ATP1B1: variants seen among roughly 807,000 people sequenced by gnomAD.
ATP1B1 encodes sodium/potassium-transporting ATPase subunit beta-1.
Under a neutral mutation model 39.6 loss-of-function variants are expected in ATP1B1, and 3 were observed. The observed-to-expected ratio is 0.08, with a 90% CI of 0.03 to 0.20. ATP1B1 has a LOEUF of 0.20. Among genes scored for constraint, ATP1B1 ranks in the 10% least tolerant of loss-of-function variants. The pLI, the probability that ATP1B1 is intolerant of heterozygous loss-of-function variation, is 1.00. For missense variants in ATP1B1, 216 were observed against 371.1 expected (o/e 0.58, Z 3.43); for synonymous variants, 139 against 135.0 (o/e 1.03, Z -0.20).
intron 2 of ATP1B1, among the ~76,000 whole-genome samples, chr1:169,115,009 T>G (rs1164710999): frequency 6.6e-6 from 1 of 151,588 alleles, no homozygotes; most frequent in Non-Finnish European, 1.5e-5. Flanking sequence ...ACAGTGAAAC[T>G]CCGTCTCTAC....
At chr1:169,115,046 G>C (rs562538379) in intron 2 of ATP1B1, among the ~76,000 whole-genome samples, 1 of 151,750 alleles carries the variant, frequency 6.6e-6, no homozygotes, top group Non-Finnish European at 1.5e-5. Flanking sequence ...TTAGCCTGTC[G>C]TAGTGGCGGG....
chr1:169,124,514 T>C (rs1557951418), intron 2 of ATP1B1, among the ~76,000 whole-genome samples: 1 of 152,308 alleles, frequency 6.6e-6, no homozygotes. Context: ...CACGTTGGGG[T>C]ACTAGAAACA....
chr1:169,116,504 C>T (rs1317164809), intron 2 of ATP1B1, among the ~76,000 whole-genome samples: 1 of 152,084 alleles, frequency 6.6e-6, no homozygotes, highest in African/African-American at 2.4e-5. Flanking sequence ...CACACTGGCA[C>T]CACCAGCAGT....
chr1:169,114,882 A>G (rs1233743810), intron 2 of ATP1B1, among the ~76,000 whole-genome samples: 4 of 151,904 alleles, frequency 2.6e-5, no homozygotes, highest in African/African-American at 4.8e-5. Context: ...AAATTTTTTT[A>G]AGTCTCCTGT....
chr1:169,131,445 A>G lies in ATP1B1; in HGVS notation c.802A>G (p.Met268Val), dbSNP rs1324628854. The G allele has an allele frequency of 2.5e-6, 4 of 1,614,178 alleles. No homozygotes were observed. Among genetic ancestry groups the G allele is most frequent in the East Asian group, 2.2e-5 (1 of 44,884 alleles). ...LLAVQFTNLT[M>V]DTEIRIECKA... ...GGCCGTACAGTTCACCAATCTTACC[A>G]TGGACACTGAAATTCGCATAGAGTG... The change falls in exon 6 of 6, where the codon ATG (methionine) becomes GTG (valine). Residue 268 changes from methionine to valine, a missense_variant. Physicochemically the swap from Met to Val is conservative, Grantham distance 21. Coordinates refer to ENST00000367815, the MANE Select transcript of ATP1B1 (RefSeq NM_001677.4). The surrounding 1 kb of genome is among the most constrained non-coding windows in gnomAD (Gnocchi z 4.4).
chr1:169,120,946 TTTTC>T (rs1489243171), intron 2 of ATP1B1, among the ~76,000 whole-genome samples: 4 of 122,636 alleles, frequency 3.3e-5, no homozygotes, highest in Non-Finnish European at 5.3e-5. Context: ...TTTTCTTTTC[TTTTC>T]TTTTTTTTTT....
In ATP1B1 at chr1:169,106,692, T is replaced by G. The variant is rs1657597158; in HGVS notation, c.-138T>G. 2.1e-6 allele frequency: 1 copy of G among 486,886 alleles called. No homozygotes were observed. The highest frequency in any genetic ancestry group is 2.2e-5 in the African/African-American group (1 of 44,590). 30.2% of individuals were successfully genotyped at this position (486,886 alleles called of 1,614,324 possible). On this transcript the variant is annotated 5_prime_UTR_variant, in exon 1 of 6. Transcript: ENST00000367815. ...GGCTCCTCCGCCGCGCGTCTCGCAC[T>G]CCGAGAGCCGCAGCGGCAGCGGCGC...
chr1:169,127,919 T>C lies in ATP1B1; in HGVS notation c.567+511T>C, dbSNP rs1218040502. On this transcript the variant is annotated intron_variant, in intron 4 of 5. Coordinates refer to ENST00000367815, the MANE Select transcript of ATP1B1 (RefSeq NM_001677.4). Reference sequence around the variant, plus strand: ...TCTGAAAAAATATTTTTTCTGAATTTTATTGCGGAAGTAGAAGTTTAACAT... The same window carrying C: ...TCTGAAAAAATATTTTTTCTGAATTCTATTGCGGAAGTAGAAGTTTAACAT... Among the ~76,000 whole-genome samples, 4 of 152,212 alleles carry C rather than the reference T, an allele frequency of 2.6e-5. No homozygotes were observed. In the East Asian group the frequency reaches 7.7e-4, roughly 29 times the overall value.
intron 1 of ATP1B1, 48 bp downstream of exon 1, chr1:169,106,974 G>C (rs1200128): frequency 0.29 from 444,497 of 1,517,476 alleles, 71,207 homozygotes; most frequent in Non-Finnish European, 0.33. Context: ...GATCTTTCCC[G>C]GGCGGCGCAT....
intron 2 of ATP1B1, 141 bp downstream of exon 2, chr1:169,111,639 G>C: frequency 3.2e-6 from 4 of 1,237,828 alleles, no homozygotes; most frequent in Non-Finnish European, 4.4e-6. Context: ...AACTTCTCTC[G>C]GCTGCAGCCA....
At chr1:169,120,721 G>C (rs755897234) in intron 2 of ATP1B1, among the ~76,000 whole-genome samples, 1 of 152,192 alleles carries the variant, frequency 6.6e-6, no homozygotes, top group Non-Finnish European at 1.5e-5. Flanking sequence ...GACTGGCTTA[G>C]ATCATGAGCT....
chr1:169,111,273 G>C (rs1372318188), intron 1 of ATP1B1, 97 bp from the exon 2 acceptor site: 1 of 1,509,810 alleles, frequency 6.6e-7, no homozygotes, highest in East Asian at 2.3e-5. Context: ...TGGGACCGGG[G>C]GAACCAGGAA....
At chr1:169,130,157 A>C (rs539659215) in intron 5 of ATP1B1, 67 bp downstream of exon 5, 2 of 1,341,306 alleles carry the variant, frequency 1.5e-6, no homozygotes, top group South Asian at 1.2e-5. Context: ...AGAATGAAGA[A>C]GACTGTTTAA....
intron 3 of ATP1B1, among the ~76,000 whole-genome samples, chr1:169,126,784 C>T (rs1658096538): frequency 6.6e-6 from 1 of 152,048 alleles, no homozygotes; most frequent in African/African-American, 2.4e-5. Flanking sequence ...AAAAAAAAAC[C>T]TAGTTCTGAA....
rs1658256169 is a variant in ATP1B1, at chr1:169,132,402, A to G, written c.*847A>G. On this transcript the variant is annotated 3_prime_UTR_variant, in exon 6 of 6. Transcript: ENST00000367815. ...CTTTTTTCCTTTCTGGAGGCATCAC[A>G]TGCTGGTGCTGTGTCTTTATGAATG... The G allele has an allele frequency of 4.4e-6, 2 of 449,678 alleles. No homozygotes were observed. The highest frequency in any genetic ancestry group is 8.0e-6 in the Non-Finnish European group (2 of 250,282). 27.9% of individuals were successfully genotyped at this position (449,678 alleles called of 1,614,324 possible). A position where few individuals can be genotyped will look rare whatever the true frequency, so the allele number is the denominator to read the frequency against.
At chr1:169,128,213 C>A (rs1439069697) in intron 4 of ATP1B1, among the ~76,000 whole-genome samples, 1 of 152,148 alleles carries the variant, frequency 6.6e-6, no homozygotes. Context: ...CCCTAATCAC[C>A]CGTATATGAG....
rs529760499 is a variant in ATP1B1 at position 169,110,087 on chromosome 1, A to G, written c.98-1283A>G. On this transcript the variant is annotated intron_variant, in intron 1 of 5. Coordinates refer to ENST00000367815, the MANE Select transcript of ATP1B1 (RefSeq NM_001677.4). Reference sequence around the variant, plus strand: ...CTTTTGATAGAGGAGAAAAAGGATTATGATTAAGCATTTTGCTGTGGTTTT... The same window carrying G: ...CTTTTGATAGAGGAGAAAAAGGATTGTGATTAAGCATTTTGCTGTGGTTTT... Among the ~76,000 whole-genome samples the G allele has an allele frequency of 4.6e-4, 70 of 152,122 alleles. 1 individual carries two copies. The highest frequency in any genetic ancestry group is 7.6e-4 in the Non-Finnish European group (52 of 67,992).
intron 2 of ATP1B1, among the ~76,000 whole-genome samples, chr1:169,118,186 A>G (rs1657892532): frequency 6.6e-6 from 1 of 152,242 alleles, no homozygotes; most frequent in South Asian, 2.1e-4. Flanking sequence ...CTGAAAGTGA[A>G]TATACAGCCA....
intron 2 of ATP1B1, among the ~76,000 whole-genome samples, chr1:169,115,495 C>T (rs1016373360): frequency 4.6e-5 from 7 of 151,578 alleles, no homozygotes; most frequent in Non-Finnish European, 8.8e-5. Context: ...GCTACAGGTG[C>T]GCGCCACCAT....
Sources: allele counts gnomAD v4.1 joint callset (sites outside exome capture counted in the v4.1 genomes callset), GRCh38; gene constraint gnomAD v4.1.1; non-coding constraint Gnocchi (gnomAD v3.1); transcripts MANE v1.5; gene names NCBI Gene and HGNC (gene_info 2026-07-23, HGNC 2026-07-21).